Variants in SPAG16 observed in about 807,000 individuals in gnomAD.
The protein encoded by SPAG16 is sperm associated antigen 16.
Under a neutral mutation model 80.4 loss-of-function variants are expected in SPAG16, and 86 were observed. The observed-to-expected ratio is 1.07, with a 90% CI of 0.90 to 1.28. The LOEUF (loss-of-function observed/expected upper bound fraction) is 1.28. Ranked by LOEUF, SPAG16 falls within the 50% of genes most tolerant of loss-of-function variation. SPAG16 has a pLI of 0.00. For synonymous variants in SPAG16, 294 were observed against 265.9 expected, an observed-to-expected ratio of 1.11 and a Z score of -1.03; for missense variants, 870 against 765.3, an observed-to-expected ratio of 1.14 and a Z score of -1.61.
At chr2:213,422,686 A>C (rs905912815) in intron 9 of SPAG16, among the ~76,000 whole-genome samples, 1 of 152,182 alleles carries the variant, frequency 6.6e-6, no homozygotes, top group Non-Finnish European at 1.5e-5. Flanking sequence ...TGTACACACA[A>C]GAATGCAATT....
In SPAG16 at chr2:213,983,472, T is replaced by C. The variant is rs550672422; in HGVS notation, c.1401-30479T>C. Reference sequence around the variant, plus strand: ...TTAGGTATTATTTTAATAAATGTCATAATTTATTATAACTGCTTAATGCAC... The same window carrying C: ...TTAGGTATTATTTTAATAAATGTCACAATTTATTATAACTGCTTAATGCAC... On this transcript the variant is annotated intron_variant, in intron 12 of 15. Transcript: ENST00000331683. Among the ~76,000 whole-genome samples, 111 of 152,150 alleles carry C rather than the reference T, an allele frequency of 7.3e-4. 1 individual carries two copies. In the South Asian group the frequency reaches 0.013, roughly 18 times the overall value.
intron 15 of SPAG16, among the ~76,000 whole-genome samples, chr2:214,276,366 A>T (rs377713164): frequency 6.1e-4 from 93 of 152,242 alleles, no homozygotes; most frequent in African/African-American, 1.9e-3. Flanking sequence ...TTGCCCATTA[A>T]TTGATGTAGT....
At chr2:214,117,402 C>T (rs1243830517) in intron 14 of SPAG16, among the ~76,000 whole-genome samples, 1 of 152,134 alleles carries the variant, frequency 6.6e-6, no homozygotes, top group African/African-American at 2.4e-5. Flanking sequence ...GGCTTCACTG[C>T]TGAATTCTAC....
chr2:213,888,329 T>A (rs4673774), intron 11 of SPAG16, among the ~76,000 whole-genome samples: 80 of 151,002 alleles, frequency 5.3e-4, no homozygotes, highest in African/African-American at 1.7e-3. Flanking sequence ...TTCAGAGATT[T>A]ACTTAGAACT....
At chr2:213,484,597 T>C (rs2073895629) in intron 9 of SPAG16, among the ~76,000 whole-genome samples, 1 of 152,204 alleles carries the variant, frequency 6.6e-6, no homozygotes, top group South Asian at 2.1e-4. Context: ...AGAAAAGCCA[T>C]ATAAAATCTC....
intron 10 of SPAG16, among the ~76,000 whole-genome samples, chr2:213,746,950 A>C (rs1208500441): frequency 1.3e-5 from 2 of 152,050 alleles, no homozygotes; most frequent in African/African-American, 4.8e-5. Flanking sequence ...TCTACTTATC[A>C]AAAAAAAGTT....
At chr2:213,929,845 C>A in intron 11 of SPAG16, 115 bp from the exon 12 acceptor site, 2 of 865,286 alleles carry the variant, frequency 2.3e-6, no homozygotes, top group Non-Finnish European at 3.5e-6. Flanking sequence ...TATGCCACTA[C>A]AAGTAAAAAT....
intron 15 of SPAG16, among the ~76,000 whole-genome samples, chr2:214,276,572 A>G (rs965779268): frequency 2.0e-5 from 3 of 152,222 alleles, no homozygotes; most frequent in Non-Finnish European, 4.4e-5. Flanking sequence ...TTGGCTGGAT[A>G]TGAAATTCTG....
chr2:214,261,900 A>G (rs998198846), intron 15 of SPAG16, among the ~76,000 whole-genome samples: 3 of 152,168 alleles, frequency 2.0e-5, no homozygotes, highest in African/African-American at 7.2e-5. Context: ...AGCATAGATC[A>G]TCTGTCTAAT....
chr2:213,975,471 A>G (rs375482168), intron 12 of SPAG16, among the ~76,000 whole-genome samples: 36 of 151,846 alleles, frequency 2.4e-4, no homozygotes, highest in Admixed American at 3.3e-4. Flanking sequence ...GTAATTATAT[A>G]GTTTTTGATT....
At chr2:214,274,284 AT>A (rs1426063719) in intron 15 of SPAG16, among the ~76,000 whole-genome samples, 4 of 151,900 alleles carry the variant, frequency 2.6e-5, no homozygotes, top group African/African-American at 9.7e-5. Context: ...AATACCCTTT[AT>A]TTCTTTCTCC....
At chr2:213,697,105 A>G (rs2065187869) in intron 10 of SPAG16, among the ~76,000 whole-genome samples, 1 of 152,160 alleles carries the variant, frequency 6.6e-6, no homozygotes, top group Non-Finnish European at 1.5e-5. Flanking sequence ...TTATTGTAAA[A>G]GAAAGAAAGG....
intron 7 of SPAG16, among the ~76,000 whole-genome samples, chr2:213,351,686 G>A (rs988621361): frequency 3.9e-5 from 6 of 152,198 alleles, no homozygotes; most frequent in African/African-American, 1.2e-4. Flanking sequence ...CTTACATGAT[G>A]ATAATACTCT....
intron 9 of SPAG16, among the ~76,000 whole-genome samples, chr2:213,476,507 T>C (rs1277255150): frequency 6.6e-6 from 1 of 152,228 alleles, no homozygotes. Context: ...CTATCCACTC[T>C]TAACTGGCTG....
chr2:213,835,171 A>T (rs537667952), intron 10 of SPAG16, among the ~76,000 whole-genome samples: 1 of 152,288 alleles, frequency 6.6e-6, no homozygotes, highest in African/African-American at 2.4e-5. Context: ...GAGATTTTAC[A>T]TAACTTGCTG....
chr2:214,124,172 T>C (rs1188903049), intron 14 of SPAG16, among the ~76,000 whole-genome samples: 3 of 152,054 alleles, frequency 2.0e-5, no homozygotes, highest in African/African-American at 7.2e-5. Context: ...CTATCATTGA[T>C]TTTAAATTTT....
chr2:214,355,086 A>G (rs1271736944), intron 15 of SPAG16, among the ~76,000 whole-genome samples: 1 of 151,992 alleles, frequency 6.6e-6, no homozygotes, highest in East Asian at 1.9e-4. Context: ...AAACCTACGC[A>G]TTACCATTCA....
intron 9 of SPAG16, among the ~76,000 whole-genome samples, chr2:213,468,386 G>GATAT (rs772576031): frequency 1.3e-4 from 18 of 135,736 alleles, no homozygotes; most frequent in African/African-American, 4.7e-4. Context: ...TATATATATA[G>GATAT]ATATATATAT....
chr2:213,472,432 G>T (rs1033016558), intron 9 of SPAG16, among the ~76,000 whole-genome samples: 1 of 152,188 alleles, frequency 6.6e-6, no homozygotes, highest in Non-Finnish European at 1.5e-5. Context: ...TAGGCCTTAT[G>T]GGAGAGTTGA....
Sources: allele counts gnomAD v4.1 joint callset (sites outside exome capture counted in the v4.1 genomes callset), GRCh38; gene constraint gnomAD v4.1.1; transcripts MANE v1.5; gene names NCBI Gene and HGNC (gene_info 2026-07-23, HGNC 2026-07-21).